The following FA2H variants were observed in gnomAD, a reference collection of about 807,000 sequenced individuals.
The protein encoded by FA2H is fatty acid alpha-hydroxylase.
FA2H carries 22 observed loss-of-function variants against 44.9 expected under a neutral mutation model. The ratio of observed to expected loss-of-function variants is 0.49; its 90% confidence interval spans 0.35 to 0.70. The LOEUF is 0.70. FA2H is among the 30% of genes least tolerant of loss of function. The probability of loss-of-function intolerance (pLI) is 0.01; values close to 1 mark genes in which losing one functional copy is unlikely to be tolerated. For missense variants in FA2H, 501 were observed against 504.9 expected, an observed-to-expected ratio of 0.99 and a Z score of 0.07; for synonymous variants, 243 against 213.2, an observed-to-expected ratio of 1.14 and a Z score of -1.22.
chr16:74,774,674 G>T lies in FA2H; in HGVS notation c.82C>A (p.Arg28Ser), dbSNP rs775172785. ...AGGTCGTAGAGGCGGGCCCCGCGGC[G>T]GACCCAGCACGCGCCGGCCGCCAGG... ...RRLAAGACWV[R>S]RGARLYDLSS... The change falls in exon 1 of 7, where the codon CGC becomes AGC. Residue 28 changes from arginine to serine, a missense_variant. Arg to Ser is a moderately radical substitution (Grantham distance 110). Coordinates refer to ENST00000219368, the MANE Select transcript of FA2H (RefSeq NM_024306.5). 5.6e-6 allele frequency: 8 copies of T among 1,425,114 alleles called. No homozygotes were observed. The South Asian group carries it at 5.9e-5, about 11-fold the overall frequency. The allele number at this position is 1,425,114 out of a possible 1,614,324, so 88.3% of individuals were successfully genotyped here.
intron 1 of FA2H, among the ~76,000 whole-genome samples, chr16:74,761,062 T>C (rs1467995699): frequency 2.0e-5 from 3 of 152,128 alleles, no homozygotes; most frequent in African/African-American, 4.8e-5. Context: ...TGGCACACGT[T>C]TACCTGTGTA....
At chr16:74,721,096 G>A (rs1364336377) in intron 4 of FA2H, among the ~76,000 whole-genome samples, 1 of 152,088 alleles carries the variant, frequency 6.6e-6, no homozygotes, top group Non-Finnish European at 1.5e-5. Flanking sequence ...TGGTACTGTT[G>A]GTTCATATCA....
chr16:74,734,086 T>C (rs547968464), intron 2 of FA2H, among the ~76,000 whole-genome samples: 2 of 152,188 alleles, frequency 1.3e-5, no homozygotes, highest in African/African-American at 2.4e-5. Context: ...TCGTTCCTGG[T>C]CCGGGCCCCA....
rs553451864 is a variant in FA2H, at chr16:74,766,492, G to C, written c.270+7994C>G. Among the ~76,000 whole-genome samples, 11 of 152,246 alleles carry C rather than the reference G, an allele frequency of 7.2e-5. No homozygotes were observed. In the East Asian group the frequency reaches 2.1e-3, roughly 29 times the overall value. ...GAGCCATTGAATACTTAGGAGCCCT[G>C]CCATAACATGATCAAGTTCTCTTCA... On this transcript the variant is annotated intron_variant, in intron 1 of 6. Coordinates refer to ENST00000219368, the MANE Select transcript of FA2H (RefSeq NM_024306.5).
At chr16:74,767,524 G>A (rs1962831613) in intron 1 of FA2H, among the ~76,000 whole-genome samples, 1 of 152,164 alleles carries the variant, frequency 6.6e-6, no homozygotes, top group Non-Finnish European at 1.5e-5. Flanking sequence ...CATCTAGGTG[G>A]GTCCAGTGTG....
chr16:74,741,808 A>ATATATATGTGTGTGTG (rs1491185782), intron 1 of FA2H, among the ~76,000 whole-genome samples: 5 of 48,412 alleles, frequency 1.0e-4, no homozygotes, highest in African/African-American at 4.3e-4. Flanking sequence ...ATATATATAT[A>ATATATATGTGTGTGTG]TGTGTGTGTG....
At chr16:74,746,934 T>G (rs980098382) in intron 1 of FA2H, among the ~76,000 whole-genome samples, 1 of 152,130 alleles carries the variant, frequency 6.6e-6, no homozygotes, top group Non-Finnish European at 1.5e-5. Context: ...GGGGACTGGT[T>G]TCTAGAGGAA....
intron 4 of FA2H, among the ~76,000 whole-genome samples, chr16:74,724,995 T>G (rs1438998962): frequency 6.6e-6 from 1 of 152,092 alleles, no homozygotes; most frequent in African/African-American, 2.4e-5. Flanking sequence ...TGTTTGTGAT[T>G]GTTAGGGGAG....
chr16:74,763,314 G>A (rs959124131), intron 1 of FA2H, among the ~76,000 whole-genome samples: 5 of 152,066 alleles, frequency 3.3e-5, no homozygotes, highest in African/African-American at 1.2e-4. Context: ...CTGGAGTGCA[G>A]TGGCGTGATT....
intron 4 of FA2H, among the ~76,000 whole-genome samples, chr16:74,723,314 A>G (rs1236050062): frequency 6.6e-6 from 1 of 152,038 alleles, no homozygotes; most frequent in Non-Finnish European, 1.5e-5. Flanking sequence ...CTCCCTGCTC[A>G]GGCTCCATCT....
intron 1 of FA2H, among the ~76,000 whole-genome samples, chr16:74,768,318 C>T (rs1330123873): frequency 1.3e-5 from 2 of 152,202 alleles, no homozygotes; most frequent in African/African-American, 4.8e-5. Context: ...CACCAGAGAG[C>T]ACTCCTGGAG....
intron 1 of FA2H, among the ~76,000 whole-genome samples, chr16:74,771,861 G>T: frequency 6.6e-6 from 1 of 151,734 alleles, no homozygotes; most frequent in South Asian, 2.1e-4. Flanking sequence ...CACTTAGGCT[G>T]TCTCTGTTCC....
chr16:74,768,310 C>G (rs1284915585), intron 1 of FA2H, among the ~76,000 whole-genome samples: 1 of 152,192 alleles, frequency 6.6e-6, no homozygotes, highest in East Asian at 1.9e-4. Context: ...TGGGGTGACA[C>G]CAGAGAGCAC....
intron 2 of FA2H, among the ~76,000 whole-genome samples, chr16:74,732,386 G>A (rs1962089578): frequency 6.6e-6 from 1 of 152,058 alleles, no homozygotes. Context: ...GATCTATTTT[G>A]TCTTTATTTT....
At chr16:74,774,221 G>C (rs1962964617) in intron 1 of FA2H, among the ~76,000 whole-genome samples, 1 of 152,140 alleles carries the variant, frequency 6.6e-6, no homozygotes, top group South Asian at 2.1e-4. Context: ...CTGGAAGGAG[G>C]GGTGCTGGGG....
chr16:74,734,266 T>A (rs1962137443), intron 2 of FA2H, among the ~76,000 whole-genome samples: 1 of 152,216 alleles, frequency 6.6e-6, no homozygotes, highest in Non-Finnish European at 1.5e-5. Context: ...AAGTCCCCTT[T>A]TACAGCAGTG....
intron 1 of FA2H, among the ~76,000 whole-genome samples, chr16:74,768,844 G>A (rs1452384128): frequency 1.3e-5 from 2 of 152,008 alleles, no homozygotes; most frequent in Non-Finnish European, 2.9e-5. Context: ...AAGCCCTGTG[G>A]AATTAAAACA....
chr16:74,726,044 G>C (rs2144615650), intron 4 of FA2H, 181 bp downstream of exon 4: 1 of 604,322 alleles, frequency 1.7e-6, no homozygotes, highest in Admixed American at 2.4e-5. Context: ...TCCATTTGGG[G>C]GGTAGATGGG....
chr16:74,718,487 A>G (rs1465065056), intron 5 of FA2H, among the ~76,000 whole-genome samples: 1 of 152,170 alleles, frequency 6.6e-6, no homozygotes, highest in Non-Finnish European at 1.5e-5. Context: ...AGACTCTGGA[A>G]TCCCCAGAAT....
Sources: allele counts gnomAD v4.1 joint callset (sites outside exome capture counted in the v4.1 genomes callset), GRCh38; gene constraint gnomAD v4.1.1; transcripts MANE v1.5; gene names NCBI Gene and HGNC (gene_info 2026-07-23, HGNC 2026-07-21).